MACROD1: variants seen among roughly 807,000 people sequenced by gnomAD.
MACROD1 encodes the protein ADP-ribose glycohydrolase MACROD1.
Under a neutral mutation model 41.4 loss-of-function variants are expected in MACROD1, and 31 were observed. The observed-to-expected ratio is 0.75, with a 90% CI of 0.56 to 1.01. The LOEUF is 1.01. Among genes scored for constraint, MACROD1 ranks in the 50% least tolerant of loss-of-function variants. The probability of loss-of-function intolerance (pLI) is 0.00; values close to 1 mark genes in which losing one functional copy is unlikely to be tolerated. For synonymous variants in MACROD1, 252 were observed against 203.4 expected (o/e 1.24, Z -2.03); for missense variants, 473 against 460.0 (o/e 1.03, Z -0.26).
chr11:64,007,651 A>G (rs1354526474), intron 4 of MACROD1, among the ~76,000 whole-genome samples: 1 of 151,906 alleles, frequency 6.6e-6, no homozygotes, highest in Non-Finnish European at 1.5e-5. Flanking sequence ...CGGCCTCTGG[A>G]CCCTCTTCTG....
chr11:64,152,315 G>A lies in MACROD1; in HGVS notation c.377C>T (p.Pro126Leu), dbSNP rs777598999. Residue 126 changes from proline (P) to leucine (L), a missense_variant, in exon 2 of 11, where the codon CCG becomes CTG. Coordinates refer to ENST00000255681, the MANE Select transcript of MACROD1 (RefSeq NM_014067.4). ...CKDFVRLKKI[P>L]TWKEMAKGVA... ...ACCTTTCGCCATCTCCTTCCATGTC[G>A]GGATCTTCTTCAGCCTGACAAAGTC... 5 of 1,614,054 alleles carry A rather than the reference G, an allele frequency of 3.1e-6. No homozygotes were observed. Among genetic ancestry groups the A allele is most frequent in the East Asian group, 2.2e-5 (1 of 44,900 alleles).
In MACROD1 at chr11:64,077,768, C is replaced by T. The variant is rs564714130; in HGVS notation, c.518-62487G>A. Among the ~76,000 whole-genome samples the T allele has an allele frequency of 1.1e-4, 17 of 152,344 alleles. No individual in the cohort carries two copies. In the South Asian group the frequency reaches 3.3e-3, roughly 30 times the overall value. On this transcript the variant is annotated intron_variant, in intron 3 of 10. Transcript: ENST00000255681. ...ATTGCCGAGGGAGGAGTCCCCAGCCCGTGGCTGGACTGGGCCCTGGCTGGG... is the reference window on the plus strand; with the variant it reads ...ATTGCCGAGGGAGGAGTCCCCAGCCTGTGGCTGGACTGGGCCCTGGCTGGG...
intron 3 of MACROD1, chr11:64,148,938 G>C: frequency 1.0e-6 from 1 of 985,410 alleles, no homozygotes; most frequent in Non-Finnish European, 1.2e-6. Context: ...CGGCTGAAAG[G>C]AGACTCGGGC....
Position 64,110,169 on chromosome 11 carries a change from G to A in MACROD1, c.517+41070C>T, listed in dbSNP as rs1328427611. 3.3e-5 allele frequency among the ~76,000 whole-genome samples: 5 copies of A among 152,132 alleles called. No homozygotes were observed. The South Asian group carries it at 1.0e-3, about 32-fold the overall frequency. ...CTTGCTCAAAATAACACAGCCTGAG[G>A]CCCGGCGTGGTGGCTCACGCGTATA... On this transcript the variant is annotated intron_variant, in intron 3 of 10. Coordinates refer to ENST00000255681, the MANE Select transcript of MACROD1 (RefSeq NM_014067.4).
At chr11:64,111,587 T>C (rs1433969633) in intron 3 of MACROD1, among the ~76,000 whole-genome samples, 1 of 152,192 alleles carries the variant, frequency 6.6e-6, no homozygotes, top group Non-Finnish European at 1.5e-5. Context: ...AGTCTCAGGC[T>C]GCTGGGCTGT....
rs1945109795 is a variant in MACROD1, at chr11:64,122,193, T to A, written c.517+29046A>T. ...TGCATCAAAAGCTCCTTTTCTTCCC[T>A]TTTCTCCTTCCCCCTCCCCACGGCC... On this transcript the variant is annotated intron_variant, in intron 3 of 10. Transcript: ENST00000255681. The surrounding 1 kb of genome is among the most constrained non-coding windows in gnomAD (Gnocchi z 4.0). Among the ~76,000 whole-genome samples, 1 of 152,208 alleles carries A rather than the reference T, an allele frequency of 6.6e-6. No homozygotes were observed. The highest frequency in any genetic ancestry group is 2.1e-4 in the South Asian group (1 of 4,830).
intron 4 of MACROD1, among the ~76,000 whole-genome samples, 193 bp from the exon 5 acceptor site, chr11:64,000,536 A>C (rs1388399025): frequency 2.0e-5 from 3 of 146,836 alleles, no homozygotes. Flanking sequence ...ACCGAGGCGC[A>C]GAGCGGGACG....
At chr11:64,011,282 G>A (rs956113975) in intron 4 of MACROD1, among the ~76,000 whole-genome samples, 1 of 149,338 alleles carries the variant, frequency 6.7e-6, no homozygotes, top group Admixed American at 6.7e-5. Flanking sequence ...TGGCTGGCAT[G>A]CTGGTTGGGG....
rs2134314934 is a variant in MACROD1, at chr11:63,999,046, G to T, written c.892-10C>A. On this transcript the variant is annotated splice_polypyrimidine_tract_variant and intron_variant, in intron 8 of 10. Coordinates refer to ENST00000255681, the MANE Select transcript of MACROD1 (RefSeq NM_014067.4). ...TGATCAGCCGGTCCACCTGCGCCAG[G>T]GGCTGCTCAGCCTGGGCCGAGCTGC... The T allele has an allele frequency of 6.3e-7, 1 of 1,596,854 alleles. No homozygotes were observed. The highest frequency in any genetic ancestry group is 1.3e-5 in the African/African-American group (1 of 74,864).
chr11:64,157,437 A>G (rs1210330724), intron 1 of MACROD1, among the ~76,000 whole-genome samples: 1 of 152,214 alleles, frequency 6.6e-6, no homozygotes, highest in African/African-American at 2.4e-5. Flanking sequence ...TCCTGTAAGA[A>G]GGACAAATGC....
intron 3 of MACROD1, among the ~76,000 whole-genome samples, chr11:64,132,934 G>A (rs547292975): frequency 1.3e-4 from 20 of 152,306 alleles, no homozygotes; most frequent in African/African-American, 4.8e-4. Flanking sequence ...CAATGGTGAC[G>A]GAGTTAGCTC....
chr11:64,037,852 A>G (rs1238490508), intron 3 of MACROD1, among the ~76,000 whole-genome samples: 1 of 152,176 alleles, frequency 6.6e-6, no homozygotes. Flanking sequence ...CCTGTGCCTC[A>G]GTTTCCCTTG....
At chr11:64,107,535 A>AC (rs1555024425) in intron 3 of MACROD1, among the ~76,000 whole-genome samples, 3 of 152,318 alleles carry the variant, frequency 2.0e-5, no homozygotes, top group Admixed American at 6.5e-5. Context: ...GTGGATTTGC[A>AC]TACCTGTCTG....
rs1943379096 is a variant in MACROD1 at position 64,036,306 on chromosome 11, G to T, written c.518-21025C>A. The T allele has an allele frequency of 6.6e-6, 1 of 152,216 alleles. No homozygotes were observed. The highest frequency in any genetic ancestry group is 1.5e-5 in the Non-Finnish European group (1 of 68,080). 9.4% of individuals were successfully genotyped at this position (152,216 alleles called of 1,614,324 possible). On this transcript the variant is annotated intron_variant, in intron 3 of 10. Coordinates refer to ENST00000255681, the MANE Select transcript of MACROD1 (RefSeq NM_014067.4). The surrounding 1 kb of genome is among the most constrained non-coding windows in gnomAD (Gnocchi z 5.6). ...CTTTGCCCCAGAGCGGCGGGAGATG[G>T]GACGCCCAGCCTTTGGGATTTGGGG...
At chr11:64,153,211 C>A (rs1041725445) in intron 1 of MACROD1, among the ~76,000 whole-genome samples, 1 of 152,144 alleles carries the variant, frequency 6.6e-6, no homozygotes, top group Non-Finnish European at 1.5e-5. Context: ...CCGCCCCGAC[C>A]GCGCCAGGCC....
chr11:64,070,454 C>T (rs1040561928), intron 3 of MACROD1, among the ~76,000 whole-genome samples: 3 of 152,176 alleles, frequency 2.0e-5, no homozygotes, highest in Non-Finnish European at 2.9e-5. Context: ...AGGGATAAAA[C>T]GCCAAACAAA....
chr11:63,999,979 G>C, intron 5 of MACROD1: 1 of 662,390 alleles, frequency 1.5e-6, no homozygotes. Context: ...TATGGGCCCG[G>C]CTGAGACCCG....
intron 3 of MACROD1, among the ~76,000 whole-genome samples, chr11:64,144,365 T>C (rs568110400): frequency 2.0e-5 from 3 of 152,258 alleles, no homozygotes; most frequent in African/African-American, 4.8e-5. Flanking sequence ...ACTGTGTCCT[T>C]TGCAGCCCAG....
At chr11:64,039,266 C>T (rs1321055509) in intron 3 of MACROD1, among the ~76,000 whole-genome samples, 1 of 151,972 alleles carries the variant, frequency 6.6e-6, no homozygotes, top group East Asian at 1.9e-4. Context: ...AGGGTGCTAA[C>T]TGCCTATAGT....
Sources: gnomAD v4.1 joint callset for allele counts (sites outside exome capture counted in the v4.1 genomes callset) on GRCh38, gnomAD v4.1.1 for gene constraint, Gnocchi (gnomAD v3.1) non-coding constraint, MANE v1.5 for transcripts, NCBI Gene and HGNC (gene_info 2026-07-23, HGNC 2026-07-21) for gene names.